Variants in RBFOX1 observed in about 807,000 individuals in gnomAD.
RBFOX1 encodes the protein RNA binding fox-1 homolog 1, also known as RNA binding protein fox-1 homolog 1.
Under a neutral mutation model 57.7 loss-of-function variants are expected in RBFOX1, and 8 were observed. The ratio of observed to expected loss-of-function variants is 0.14; its 90% CI spans 0.08 to 0.25. The LOEUF (loss-of-function observed/expected upper bound fraction) is 0.25, where lower values mean the gene tolerates loss of function less well. RBFOX1 is among the 10% of genes least tolerant of loss of function. RBFOX1 has a pLI of 1.00. For synonymous variants in RBFOX1, 326 were observed against 222.4 expected (o/e 1.47, Z -4.15); for missense variants, 611 against 548.5 (o/e 1.11, Z -1.14).
Position 5,339,470 on chromosome 16 carries a change from G to GGTTTTTTTTTTTTTTTTT in RBFOX1, c.219+99365_219+99366insGTTTTTTTTTTTTTTTTT, listed in dbSNP as rs1567354925. On this transcript the variant is annotated intron_variant, in intron 1 of 2. Transcript: ENST00000585867. ...AAAAGCTAGAAGCTGCTTTTTCCGT[G>GGTTTTTTTTTTTTTTTTT]TTTTTTTTTTTTTTTTTTTTTTTTT... Among the ~76,000 whole-genome samples, 7 of 40,854 alleles carry GGTTTTTTTTTTTTTTTTT rather than the reference G, an allele frequency of 1.7e-4. 1 individual carries two copies. The highest frequency in any genetic ancestry group is 9.4e-4 in the Admixed American group (2 of 2,138). 26.8% of individuals were successfully genotyped at this position (40,854 alleles called of 152,430 possible). A position where few individuals can be genotyped will look rare whatever the true frequency, so the allele number is the denominator to read the frequency against.
chr16:6,980,107 C>G lies in RBFOX1; in HGVS notation c.-15-71950C>G, dbSNP rs62016416. Among the ~76,000 whole-genome samples the G allele has an allele frequency of 8.4e-3, 1,284 of 152,272 alleles. 9 individuals are homozygous for G. Among genetic ancestry groups the G allele is most frequent in the Non-Finnish European group, 0.013 (869 of 68,034 alleles). The stretch of plus-strand genomic sequence containing the variant: ...GTGTTAGAGTGTAGTAGAACAGTCA[C>G]AGCACAGGCTGGACGTATGTCACCT... On this transcript the variant is annotated intron_variant, in intron 3 of 15. Coordinates refer to ENST00000550418, the MANE Select transcript of RBFOX1 (RefSeq NM_018723.4).
At chr16:6,838,476 A>G (rs1406973307) in intron 3 of RBFOX1, among the ~76,000 whole-genome samples, 1 of 152,178 alleles carries the variant, frequency 6.6e-6, no homozygotes, top group South Asian at 2.1e-4. Context: ...TGTCTGAATA[A>G]CCTGCCCCTT....
intron 3 of RBFOX1, among the ~76,000 whole-genome samples, chr16:6,952,764 T>C (rs776021573): frequency 6.6e-6 from 1 of 152,062 alleles, no homozygotes; most frequent in South Asian, 2.1e-4. Context: ...GATCACGAGG[T>C]CAGGAGTTTG....
rs147158199 is a variant in RBFOX1 at position 5,615,450 on chromosome 16, A to G, written c.318+16489A>G. ...GCTCAAGTCTACTTGCTCTGAAGAC[A>G]GCTACGTTTATCTGAACAGGCACCT... On this transcript the variant is annotated intron_variant, in intron 3 of 19. Transcript: ENST00000641259. 6.4e-3 allele frequency among the ~76,000 whole-genome samples: 968 copies of G among 152,318 alleles called. 8 individuals are homozygous for G. Among genetic ancestry groups the G allele is most frequent in the Non-Finnish European group, 9.6e-3 (655 of 68,030 alleles).
intron 4 of RBFOX1, among the ~76,000 whole-genome samples, chr16:7,306,787 G>C (rs1474929770): frequency 2.0e-5 from 3 of 152,144 alleles, no homozygotes; most frequent in African/African-American, 7.2e-5. Flanking sequence ...AAAGTCTCAA[G>C]TCACTTATTT....
At chr16:6,287,850 T>C (rs541682107) in intron 1 of RBFOX1, among the ~76,000 whole-genome samples, 107 of 152,150 alleles carry the variant, frequency 7.0e-4, no homozygotes, top group Non-Finnish European at 1.4e-3. Flanking sequence ...AGAAAGATCT[T>C]TAGGAAATAC....
At chr16:5,239,831 G>C (rs1432482942) in exon 1 of RBFOX1, 1 of 1,082,968 alleles carries the variant, frequency 9.2e-7, no homozygotes. Flanking sequence ...TCCGCCGAGA[G>C]GCCGCTCGCG....
intron 4 of RBFOX1, among the ~76,000 whole-genome samples, chr16:7,374,766 A>T (rs1487452488): frequency 6.6e-6 from 1 of 152,242 alleles, no homozygotes; most frequent in African/African-American, 2.4e-5. Context: ...TTGTTTTCAC[A>T]GCATCAAGAT....
chr16:5,975,010 A>G (rs146769832), intron 4 of RBFOX1, among the ~76,000 whole-genome samples: 8 of 152,342 alleles, frequency 5.3e-5, no homozygotes, highest in Middle Eastern at 3.4e-3. Flanking sequence ...CTCCGTCTCA[A>G]AAATAAATAA....
intron 3 of RBFOX1, among the ~76,000 whole-genome samples, chr16:7,031,145 G>C (rs2042688258): frequency 6.6e-6 from 1 of 152,190 alleles, no homozygotes; most frequent in Admixed American, 6.5e-5. Context: ...CTGCAGGATA[G>C]TGGCTACAGC....
chr16:7,579,313 G>A (rs1424447611), intron 5 of RBFOX1, among the ~76,000 whole-genome samples: 2 of 152,032 alleles, frequency 1.3e-5, no homozygotes, highest in Non-Finnish European at 2.9e-5. Flanking sequence ...AATTATGTAG[G>A]CATATCTTCA....
At chr16:7,661,057 C>G (rs528934409) in intron 12 of RBFOX1, among the ~76,000 whole-genome samples, 2 of 152,292 alleles carry the variant, frequency 1.3e-5, no homozygotes, top group East Asian at 3.9e-4. Flanking sequence ...GGTAAGTGTT[C>G]TGCAAATGTG....
At chr16:5,746,361 G>A (rs1466493444) in intron 3 of RBFOX1, among the ~76,000 whole-genome samples, 3 of 152,218 alleles carry the variant, frequency 2.0e-5, no homozygotes, top group Non-Finnish European at 4.4e-5. Context: ...ATAGTTTGCA[G>A]TCAGGTAGCA....
At chr16:7,283,987 G>C (rs1045322213) in intron 4 of RBFOX1, among the ~76,000 whole-genome samples, 2 of 152,200 alleles carry the variant, frequency 1.3e-5, no homozygotes, top group Non-Finnish European at 2.9e-5. Context: ...TCTCTTTTCT[G>C]TCTCTACAGT....
chr16:6,034,649 G>C (rs536245122), intron 1 of RBFOX1, among the ~76,000 whole-genome samples: 1 of 152,320 alleles, frequency 6.6e-6, no homozygotes, highest in East Asian at 1.9e-4. Context: ...GTTTGAACGT[G>C]AATTTTGGCG....
intron 2 of RBFOX1, among the ~76,000 whole-genome samples, chr16:5,547,457 A>G (rs2045258072): frequency 6.6e-6 from 1 of 152,238 alleles, no homozygotes; most frequent in Admixed American, 6.5e-5. Flanking sequence ...ACATGCAAGA[A>G]CATGGGTAAG....
intron 2 of RBFOX1, among the ~76,000 whole-genome samples, chr16:5,551,868 C>G (rs925729208): frequency 1.3e-5 from 2 of 151,726 alleles, no homozygotes; most frequent in Non-Finnish European, 2.9e-5. Context: ...TCAACTCCCA[C>G]TTATGAGTGA....
chr16:6,724,168 C>T (rs1435235449), intron 3 of RBFOX1, among the ~76,000 whole-genome samples: 1 of 150,986 alleles, frequency 6.6e-6, no homozygotes, highest in East Asian at 1.9e-4. Context: ...ACCTCCTTGC[C>T]TTGTTGTCCT....
At chr16:6,550,679 C>T (rs191297717) in intron 2 of RBFOX1, among the ~76,000 whole-genome samples, 2 of 152,290 alleles carry the variant, frequency 1.3e-5, no homozygotes, top group African/African-American at 4.8e-5. Flanking sequence ...CCAGCATGAG[C>T]CAAAATCAAT....
Sources: gnomAD v4.1 joint callset for allele counts (sites outside exome capture counted in the v4.1 genomes callset) on GRCh38, gnomAD v4.1.1 for gene constraint, MANE v1.5 for transcripts, NCBI Gene and HGNC (gene_info 2026-07-23, HGNC 2026-07-21) for gene names.